The following NHSL1 variants were observed in gnomAD, a reference collection of about 807,000 sequenced individuals.
NHSL1 encodes NHS like 1.
A neutral mutation model predicts 95.0 loss-of-function variants in NHSL1; 48 were observed. The ratio of observed to expected loss-of-function variants is 0.51; its 90% CI spans 0.40 to 0.64. NHSL1 has a LOEUF of 0.64. NHSL1 is among the 30% of genes least tolerant of loss of function. NHSL1 has a pLI of 0.00. For synonymous variants in NHSL1, 783 were observed against 833.9 expected, an observed-to-expected ratio of 0.94 and a Z score of 1.05; for missense variants, 1,971 against 2,077.7, an observed-to-expected ratio of 0.95 and a Z score of 1.00.
upstream of NHSL1, among the ~76,000 whole-genome samples, chr6:138,576,244 A>G (rs1783970363): frequency 6.6e-6 from 1 of 152,088 alleles, no homozygotes; most frequent in South Asian, 2.1e-4. Flanking sequence ...TGCCCGCCTC[A>G]GCCTCCCAAA....
chr6:138,519,028 G>A (rs1012588178), intron 1 of NHSL1, among the ~76,000 whole-genome samples: 5 of 151,658 alleles, frequency 3.3e-5, no homozygotes, highest in African/African-American at 9.7e-5. Context: ...AAAAATAAAT[G>A]AATAAATAAA....
rs190287925 is a variant in NHSL1, at chr6:138,483,736, C to A, written c.212-10303G>T. Among the ~76,000 whole-genome samples, 196 of 152,306 alleles carry A rather than the reference C, an allele frequency of 1.3e-3. 1 individual carries two copies. Among genetic ancestry groups the A allele is most frequent in the African/African-American group, 4.3e-3 (177 of 41,562 alleles). On this transcript the variant is annotated intron_variant, in intron 2 of 7. Coordinates refer to ENST00000343505, the MANE Select transcript of NHSL1 (RefSeq NM_001144060.2). ...TCACTTCTAAGTTCAAATCTCTCCA[C>A]GCCCTGAATGTAAAAGCCAAAATCC...
At chr6:138,623,691 T>G (rs1028748435) in intron 1 of NHSL1, among the ~76,000 whole-genome samples, 1 of 152,206 alleles carries the variant, frequency 6.6e-6, no homozygotes, top group Non-Finnish European at 1.5e-5. Flanking sequence ...TTTTACAGTT[T>G]ACAAGCCAAA....
chr6:138,470,358 C>T (rs140628384), intron 3 of NHSL1, among the ~76,000 whole-genome samples: 177 of 152,236 alleles, frequency 1.2e-3, no homozygotes, highest in African/African-American at 4.1e-3. Context: ...GGTGCAAACA[C>T]GTCTCACTGT....
intron 2 of NHSL1, among the ~76,000 whole-genome samples, chr6:138,495,696 T>G (rs901721515): frequency 6.6e-6 from 1 of 152,222 alleles, no homozygotes; most frequent in Admixed American, 6.5e-5. Context: ...CAGAACATCT[T>G]AGGCATGTGT....
chr6:138,537,910 T>A (rs184581712), intron 1 of NHSL1, among the ~76,000 whole-genome samples: 160 of 152,060 alleles, frequency 1.1e-3, no homozygotes, highest in Non-Finnish European at 1.8e-3. Context: ...CGGCGAGAAG[T>A]CCAGAGCATC....
chr6:138,437,296 GTATA>G (rs144143973), intron 5 of NHSL1, among the ~76,000 whole-genome samples: 67,206 of 95,918 alleles, frequency 0.7, 24,344 homozygotes, highest in East Asian at 0.92. Context: ...ATACACAAAT[GTATA>G]TATATATATA....
intron 3 of NHSL1, among the ~76,000 whole-genome samples, chr6:138,450,170 A>G (rs985751386): frequency 1.3e-5 from 2 of 152,020 alleles, no homozygotes; most frequent in African/African-American, 2.4e-5. Context: ...TTTATAATAC[A>G]TATTCTCTAC....
intron 1 of NHSL1, among the ~76,000 whole-genome samples, chr6:138,524,570 T>A (rs191889849): frequency 5.5e-4 from 84 of 152,342 alleles, no homozygotes; most frequent in Admixed American, 1.2e-3. Flanking sequence ...AGATTACTTA[T>A]CTGTTGTATT....
At position 138,598,070 on chromosome 6, in the gene NHSL1, G is replaced by GCAGGAGGATCATAGGAGCCAGGAGTT. The variant is rs529845350; in HGVS notation, c.96+94380_96+94405dup. ...AATCCCAGCACTCTCGGAGGCCGAG[G>GCAGGAGGATCATAGGAGCCAGGAGTT]CAGGAGGATCATAGGAGCCAGGAGT... On this transcript the variant is annotated intron_variant, in intron 1 of 3. Coordinates refer to the NHSL1 transcript ENST00000491526. Among the ~76,000 whole-genome samples the GCAGGAGGATCATAGGAGCCAGGAGTT allele has an allele frequency of 2.9e-3, 445 of 152,112 alleles. 4 individuals are homozygous for GCAGGAGGATCATAGGAGCCAGGAGTT. Among genetic ancestry groups the GCAGGAGGATCATAGGAGCCAGGAGTT allele is most frequent in the Admixed American group, 0.027 (407 of 15,266 alleles).
Position 138,431,763 on chromosome 6 carries a change from G to A in NHSL1, c.2582C>T (p.Ala861Val). 6.4e-7 allele frequency: 1 copy of A among 1,551,648 alleles called. No individual in the cohort carries two copies. Among genetic ancestry groups the A allele is most frequent in the Non-Finnish European group, 8.7e-7 (1 of 1,146,868 alleles). ...GYSSQSNTPT[A>V]LTPVPVFLKS... ...TAAAAACACAGGCACAGGGGTGAGT[G>A]CTGTGGGTGTATTCGACTGGCTGGA... The change falls in exon 6 of 8, where the codon GCA becomes GTA. Residue 861 changes from alanine (A) to valine (V), a missense_variant. By Grantham distance (64) the Ala-to-Val change is moderately conservative. Transcript: ENST00000343505. This position sits in a 1 kb window ranked among gnomAD's most constrained non-coding sequence, Gnocchi z 4.0.
At chr6:138,554,701 T>C (rs538477867) in intron 1 of NHSL1, among the ~76,000 whole-genome samples, 5 of 152,360 alleles carry the variant, frequency 3.3e-5, no homozygotes, top group Admixed American at 1.3e-4. Context: ...GTTTAAAATA[T>C]TGTGTTTTGA....
chr6:138,628,043 T>TG (rs1784766327), intron 1 of NHSL1, among the ~76,000 whole-genome samples: 1 of 151,956 alleles, frequency 6.6e-6, no homozygotes, highest in South Asian at 2.1e-4. Flanking sequence ...CCGGGCGAGG[T>TG]GGCTCATGCC....
chr6:138,659,057 T>A, intron 1 of NHSL1, among the ~76,000 whole-genome samples: 1 of 148,510 alleles, frequency 6.7e-6, no homozygotes, highest in Non-Finnish European at 1.5e-5. Flanking sequence ...TTTTTTTTTT[T>A]TTTTTTTTTT....
At chr6:138,649,722 GAGCCT>G (rs773469156) in intron 1 of NHSL1, among the ~76,000 whole-genome samples, 2 of 152,186 alleles carry the variant, frequency 1.3e-5, no homozygotes, top group Non-Finnish European at 2.9e-5. Flanking sequence ...AACGCAGGCA[GAGCCT>G]AGCATTTGCC....
intron 1 of NHSL1, among the ~76,000 whole-genome samples, chr6:138,663,748 G>A (rs1785260235): frequency 1.3e-5 from 2 of 151,956 alleles, no homozygotes; most frequent in South Asian, 4.2e-4. Context: ...GTGAATGCTT[G>A]TAGTCCCAGC....
chr6:138,610,062 G>A (rs2114592333), intron 1 of NHSL1, among the ~76,000 whole-genome samples: 1 of 152,142 alleles, frequency 6.6e-6, no homozygotes, highest in African/African-American at 2.4e-5. Context: ...ACCCCCACCT[G>A]TTTCAACTTC....
chr6:138,427,040 A>G (rs970106194), intron 7 of NHSL1, among the ~76,000 whole-genome samples: 2 of 152,246 alleles, frequency 1.3e-5, no homozygotes, highest in African/African-American at 4.8e-5. Flanking sequence ...CTTATAGCAC[A>G]TGGCCTCACC....
At chr6:138,441,364 A>G (rs148933607) in intron 5 of NHSL1, among the ~76,000 whole-genome samples, 2 of 152,258 alleles carry the variant, frequency 1.3e-5, no homozygotes, top group East Asian at 3.8e-4. Flanking sequence ...TATAATGATA[A>G]CCAGAAACAA....
Sources: gnomAD v4.1 joint callset for allele counts (sites outside exome capture counted in the v4.1 genomes callset) on GRCh38, gnomAD v4.1.1 for gene constraint, Gnocchi (gnomAD v3.1) non-coding constraint, MANE v1.5 for transcripts, NCBI Gene and HGNC (gene_info 2026-07-23, HGNC 2026-07-21) for gene names.